The following POF1B variants were observed in gnomAD, a reference collection of about 807,000 sequenced individuals.
The protein encoded by POF1B is POF1B actin binding protein.
POF1B carries 53 observed loss-of-function variants against 55.3 expected under a neutral mutation model. That is an observed-to-expected ratio of 0.96 (90% CI 0.77 to 1.20). The LOEUF is 1.20. POF1B is among the 50% of genes most tolerant of loss of function. The pLI is 0.00. For synonymous variants in POF1B, 188 were observed against 148.3 expected (o/e 1.27, Z -1.95); for missense variants, 478 against 420.5 (o/e 1.14, Z -1.20).
chrX:85,373,485 A>G (rs1933870025), intron 2 of POF1B, among the ~76,000 whole-genome samples: 1 of 111,831 alleles, frequency 8.9e-6, no homozygotes. Context: ...AAGAGTTGTG[A>G]AAAACAAAAA....
Position 85,367,729 on chromosome X carries a change from G to A in POF1B, c.320C>T (p.Ala107Val). The A allele has an allele frequency of 8.6e-7, 1 of 1,165,164 alleles. No homozygotes were observed. Among genetic ancestry groups the A allele is most frequent in the Non-Finnish European group, 1.2e-6 (1 of 868,641 alleles). ...TTGGGTTATATGTAGAGTACTTGGG[G>A]CACATGTAGATATTTTTAAAGTTGG... ...HSPTLKISTC[A>V]PSTLHITQNT... The change falls in exon 3 of 17, where the codon GCC (alanine) becomes GTC (valine). Residue 107 changes from alanine to valine, a missense_variant. Ala to Val is a moderately conservative substitution (Grantham distance 64, BLOSUM62 0). Transcript: ENST00000262753.
At chrX:85,352,564 G>A (rs1423936912) in intron 4 of POF1B, among the ~76,000 whole-genome samples, 1 of 111,004 alleles carries the variant, frequency 9.0e-6, no homozygotes, top group Non-Finnish European at 1.9e-5. Context: ...TGGGGACTTT[G>A]GTAAAACAAA....
chrX:85,331,802 A>G (rs1348512179), intron 6 of POF1B, among the ~76,000 whole-genome samples: 2 of 111,126 alleles, frequency 1.8e-5, no homozygotes, highest in East Asian at 5.7e-4. Context: ...TGACATCAAT[A>G]TATTTATATA....
intron 7 of POF1B, among the ~76,000 whole-genome samples, chrX:85,326,257 G>A (rs1401633052): frequency 9.0e-6 from 1 of 110,721 alleles, no homozygotes; most frequent in Non-Finnish European, 1.9e-5. Flanking sequence ...GTTCACAGTG[G>A]CAGCGGTGGC....
chrX:85,299,548 A>G (rs1489487692), intron 15 of POF1B, among the ~76,000 whole-genome samples: 13 of 104,783 alleles, frequency 1.2e-4, no homozygotes, highest in African/African-American at 4.6e-4. Flanking sequence ...TCGGCCTCCC[A>G]AAGTGCTGGG....
chrX:85,310,763 T>C (rs1420921499), intron 9 of POF1B, among the ~76,000 whole-genome samples: 1 of 111,435 alleles, frequency 9.0e-6, no homozygotes, highest in Non-Finnish European at 1.9e-5. Flanking sequence ...CCAAACAATA[T>C]AAACCCAAAG....
At chrX:85,341,791 G>A (rs961062519) in intron 6 of POF1B, among the ~76,000 whole-genome samples, 1 of 110,924 alleles carries the variant, frequency 9.0e-6, no homozygotes, top group Admixed American at 9.6e-5. Context: ...GAGCTTCACA[G>A]AGACCTGCCA....
At chrX:85,348,736 G>A (rs983744978) in intron 5 of POF1B, among the ~76,000 whole-genome samples, 4 of 111,244 alleles carry the variant, frequency 3.6e-5, no homozygotes, top group African/African-American at 1.3e-4. Context: ...GTAAATATTC[G>A]AGTTAACAGT....
At chrX:85,314,599 G>A in intron 8 of POF1B, 93 bp from the exon 9 acceptor site, 2 of 544,200 alleles carry the variant, frequency 3.7e-6, no homozygotes, top group Non-Finnish European at 5.4e-6. Flanking sequence ...CATATTTTAG[G>A]AATATTAAAA....
intron 7 of POF1B, among the ~76,000 whole-genome samples, chrX:85,328,831 G>GT (rs1361700235): frequency 9.7e-6 from 1 of 102,735 alleles, no homozygotes; most frequent in Non-Finnish European, 2.0e-5. Context: ...CATTTAGTAT[G>GT]TAAAAAAAAA....
Position 85,351,422 on chromosome X carries a change from G to T in POF1B, c.468C>A (p.Ser156Arg), listed in dbSNP as rs748252154. The change falls in exon 5 of 17, where the codon AGC (serine) becomes AGA (arginine). Residue 156 changes from serine to arginine, a missense_variant. Coordinates refer to ENST00000262753, the MANE Select transcript of POF1B (RefSeq NM_024921.4). ...QEPLSQFLRGSHFFPGNNVIY... is the reference protein window; with the variant it reads ...QEPLSQFLRGRHFFPGNNVIY... The stretch of plus-strand genomic sequence containing the variant: ...TAACATTGTTTCCTGGGAAGAAATG[G>T]CTTCCTCTTAGGAATTGAGACAGTG... 4.2e-6 allele frequency: 5 copies of T among 1,193,581 alleles called. No individual in the cohort carries two copies. The highest frequency in any genetic ancestry group is 5.7e-6 in the Non-Finnish European group (5 of 884,715).
intron 7 of POF1B, among the ~76,000 whole-genome samples, chrX:85,323,501 C>A (rs1321603723): frequency 9.3e-6 from 1 of 107,643 alleles, no homozygotes; most frequent in Non-Finnish European, 1.9e-5. Flanking sequence ...TGCTAAATGA[C>A]GAGTTAATGG....
chrX:85,372,553 A>G (rs1485779511), intron 2 of POF1B, among the ~76,000 whole-genome samples: 1 of 105,794 alleles, frequency 9.5e-6, no homozygotes, highest in East Asian at 3.0e-4. Context: ...TCAGGGGAAC[A>G]TCACACACAG....
chrX:85,345,785 G>A (rs1341356203), intron 6 of POF1B, 75 bp downstream of exon 6: 7 of 889,663 alleles, frequency 7.9e-6, no homozygotes, highest in Non-Finnish European at 1.0e-5. Context: ...TTTAATGGGA[G>A]CACCTGCATA....
chrX:85,349,423 CCT>C (rs1260493148), intron 5 of POF1B, among the ~76,000 whole-genome samples: 2 of 110,767 alleles, frequency 1.8e-5, no homozygotes, highest in African/African-American at 6.5e-5. Flanking sequence ...CGAATTGTAC[CCT>C]CTCATACCCA....
At chrX:85,292,232 T>C (rs1014526136) in intron 15 of POF1B, among the ~76,000 whole-genome samples, 5 of 112,145 alleles carry the variant, frequency 4.5e-5, no homozygotes, top group African/African-American at 6.5e-5. Flanking sequence ...ATGTGATAAA[T>C]CACAGTTATT....
chrX:85,349,849 C>A (rs781068426), intron 5 of POF1B, among the ~76,000 whole-genome samples: 2 of 110,632 alleles, frequency 1.8e-5, no homozygotes, highest in Middle Eastern at 4.6e-3. Context: ...GTTGCAGCAG[C>A]CCTAAGAAAC....
intron 4 of POF1B, among the ~76,000 whole-genome samples, chrX:85,358,942 A>T (rs1398959716): frequency 9.0e-6 from 1 of 111,482 alleles, no homozygotes; most frequent in African/African-American, 3.2e-5. Flanking sequence ...ATGAAACTTG[A>T]AATTTGTTTC....
At chrX:85,340,579 T>A (rs887037245) in intron 6 of POF1B, among the ~76,000 whole-genome samples, 3 of 110,748 alleles carry the variant, frequency 2.7e-5, no homozygotes, top group Non-Finnish European at 3.8e-5. Context: ...AATGAAGAAA[T>A]TGAGAGTGAG....
Sources: gnomAD v4.1 joint callset for allele counts (sites outside exome capture counted in the v4.1 genomes callset) on GRCh38, gnomAD v4.1.1 for gene constraint, MANE v1.5 for transcripts, NCBI Gene and HGNC (gene_info 2026-07-23, HGNC 2026-07-21) for gene names.